The following CCDC178 variants were observed in gnomAD, a reference collection of about 807,000 sequenced individuals.
CCDC178 encodes the protein coiled-coil domain-containing protein 178.
A neutral mutation model predicts 117.4 loss-of-function variants in CCDC178; 126 were observed. The observed-to-expected ratio is 1.07, with a 90% CI of 0.93 to 1.24. The LOEUF (loss-of-function observed/expected upper bound fraction) is 1.24. Among genes scored for constraint, CCDC178 ranks in the 50% most tolerant of loss-of-function variants. CCDC178 has a pLI of 0.00. For synonymous variants in CCDC178, 283 were observed against 313.4 expected (o/e 0.90, Z 1.02); for missense variants, 1,030 against 986.9 (o/e 1.04, Z -0.59).
chr18:33,029,853 T>C (rs1473237989), intron 21 of CCDC178, among the ~76,000 whole-genome samples: 1 of 152,038 alleles, frequency 6.6e-6, no homozygotes, highest in Non-Finnish European at 1.5e-5. Context: ...GACTGTACTT[T>C]GTATTATATC....
chr18:33,038,816 C>T lies in CCDC178; in HGVS notation c.2388+53945G>A, dbSNP rs528427703. Among the ~76,000 whole-genome samples the T allele has an allele frequency of 1.6e-4, 24 of 152,086 alleles. No individual in the cohort carries two copies. The East Asian group carries it at 4.1e-3, about 26-fold the overall frequency. The stretch of plus-strand genomic sequence containing the variant: ...GAAGTGACAATAGGACTCCCATTCA[C>T]CTCTGGCTAATGAAAACATCCTTTT... On this transcript the variant is annotated intron_variant, in intron 21 of 22. Transcript: ENST00000383096.
chr18:33,236,662 G>A (rs989186440), intron 15 of CCDC178, among the ~76,000 whole-genome samples: 27 of 152,230 alleles, frequency 1.8e-4, no homozygotes, highest in African/African-American at 6.0e-4. Context: ...GAGTTCATCC[G>A]CACCCCAAAA....
intron 22 of CCDC178, chr18:32,958,092 G>T (rs2054630808): frequency 1.1e-5 from 4 of 377,646 alleles, no homozygotes; most frequent in Middle Eastern, 3.3e-4. Flanking sequence ...CAAATGATGG[G>T]CTAAATTATT....
intron 10 of CCDC178, 45 bp from the exon 11 acceptor site, chr18:33,323,678 A>G: frequency 3.4e-6 from 4 of 1,180,722 alleles, no homozygotes; most frequent in Non-Finnish European, 4.6e-6. Flanking sequence ...TTAATGGTTA[A>G]TTAAAAATAA....
intron 21 of CCDC178, among the ~76,000 whole-genome samples, chr18:32,985,437 G>C (rs1198260766): frequency 1.3e-5 from 2 of 151,890 alleles, no homozygotes; most frequent in African/African-American, 4.8e-5. Flanking sequence ...TTAGCTTCTT[G>C]TTAGTGATCT....
At chr18:33,360,166 T>C (rs904450045) in intron 6 of CCDC178, among the ~76,000 whole-genome samples, 18 of 151,298 alleles carry the variant, frequency 1.2e-4, no homozygotes, top group African/African-American at 4.1e-4. Flanking sequence ...AATAATTTGA[T>C]GGTTTCTCAA....
intron 20 of CCDC178, among the ~76,000 whole-genome samples, chr18:33,191,608 G>A (rs866939528): frequency 3.3e-5 from 5 of 152,122 alleles, no homozygotes; most frequent in Admixed American, 6.5e-5. Context: ...TTCACTTGGC[G>A]ATTGGAGTTT....
At chr18:33,020,043 T>C (rs2056079605) in intron 21 of CCDC178, among the ~76,000 whole-genome samples, 1 of 151,018 alleles carries the variant, frequency 6.6e-6, no homozygotes, top group South Asian at 2.1e-4. Flanking sequence ...CCTCCCGTGT[T>C]CAAGTGATTC....
At chr18:33,049,459 C>A (rs979754797) in intron 21 of CCDC178, among the ~76,000 whole-genome samples, 6 of 151,762 alleles carry the variant, frequency 4.0e-5, no homozygotes, top group African/African-American at 1.5e-4. Flanking sequence ...TTACTATTAT[C>A]TTTTTACCCT....
intron 21 of CCDC178, among the ~76,000 whole-genome samples, chr18:32,992,434 G>A (rs1280592531): frequency 1.3e-5 from 2 of 152,060 alleles, no homozygotes; most frequent in East Asian, 1.9e-4. Context: ...ATGGCTCATG[G>A]GTGTTTAAAA....
intron 20 of CCDC178, among the ~76,000 whole-genome samples, chr18:33,179,087 ATATATATATATATATATATATAAAC>A (rs1555656285): frequency 3.1e-5 from 3 of 95,506 alleles, no homozygotes; most frequent in East Asian, 2.7e-4. Context: ...AAATATATAT[ATATATATATATATATATATATAAAC>A]TATATATATA....
At position 33,146,108 on chromosome 18, in the gene CCDC178, T is replaced by C. The variant is rs545473736; in HGVS notation, c.2239-53198A>G. Among the ~76,000 whole-genome samples the C allele has an allele frequency of 2.6e-5, 4 of 152,350 alleles. No individual in the cohort carries two copies. In the East Asian group the frequency reaches 7.7e-4, roughly 29 times the overall value. ...CTTATACTAAAGATCAACAGCAGTATCTGATACTGATATTTGATAATGCTA... is the reference window on the plus strand; with the variant it reads ...CTTATACTAAAGATCAACAGCAGTACCTGATACTGATATTTGATAATGCTA... On this transcript the variant is annotated intron_variant, in intron 20 of 22. Coordinates refer to ENST00000383096, the MANE Select transcript of CCDC178 (RefSeq NM_001105528.4).
chr18:32,999,230 C>T (rs2055580568), intron 21 of CCDC178, among the ~76,000 whole-genome samples: 1 of 151,952 alleles, frequency 6.6e-6, no homozygotes, highest in African/African-American at 2.4e-5. Flanking sequence ...GCAGTGGTGG[C>T]CAAAGGGAGA....
At chr18:33,336,869 G>A (rs1047529859) in intron 9 of CCDC178, among the ~76,000 whole-genome samples, 2 of 150,770 alleles carry the variant, frequency 1.3e-5, no homozygotes, top group African/African-American at 4.9e-5. Context: ...TCTTGCTTTG[G>A]CTATGCAGAC....
chr18:33,276,211 G>C (rs1452363845), intron 12 of CCDC178, among the ~76,000 whole-genome samples: 2 of 151,792 alleles, frequency 1.3e-5, no homozygotes, highest in African/African-American at 4.8e-5. Context: ...CAAAATAAAT[G>C]AATGTTTCAT....
intron 3 of CCDC178, among the ~76,000 whole-genome samples, chr18:33,411,313 T>C (rs2144896072): frequency 6.6e-6 from 1 of 152,314 alleles, no homozygotes; most frequent in East Asian, 1.9e-4. Context: ...ATTTTAGATT[T>C]TGTGGGCCAA....
At chr18:33,063,012 C>T (rs2056951080) in intron 21 of CCDC178, among the ~76,000 whole-genome samples, 1 of 152,154 alleles carries the variant, frequency 6.6e-6, no homozygotes, top group Non-Finnish European at 1.5e-5. Flanking sequence ...AGCCATCTGC[C>T]CTGGGCCACT....
chr18:32,985,056 TA>T (rs2090130998), intron 21 of CCDC178, among the ~76,000 whole-genome samples: 1 of 151,944 alleles, frequency 6.6e-6, no homozygotes, highest in Non-Finnish European at 1.5e-5. Flanking sequence ...GAAAATGCTT[TA>T]AAAATTACAT....
chr18:33,116,593 C>T (rs1167242429), intron 20 of CCDC178, among the ~76,000 whole-genome samples: 3 of 152,034 alleles, frequency 2.0e-5, no homozygotes, highest in East Asian at 1.9e-4. Flanking sequence ...TTTTCAAGTC[C>T]GTCAGATTGC....
Sources: allele counts gnomAD v4.1 joint callset (sites outside exome capture counted in the v4.1 genomes callset), GRCh38; gene constraint gnomAD v4.1.1; transcripts MANE v1.5; gene names NCBI Gene and HGNC (gene_info 2026-07-23, HGNC 2026-07-21).